TRHDE: variants seen among roughly 807,000 people sequenced by gnomAD.
TRHDE encodes thyrotropin releasing hormone degrading enzyme.
TRHDE carries 72 observed loss-of-function variants against 125.7 expected under a neutral mutation model. That is an observed-to-expected ratio of 0.57 (90% CI 0.47 to 0.70). The LOEUF is 0.70. TRHDE is among the 30% of genes least tolerant of loss of function. The pLI is 0.00. For synonymous variants in TRHDE, 509 were observed against 509.1 expected (o/e 1.00, Z 0.00); for missense variants, 1,110 against 1,327.1 (o/e 0.84, Z 2.54).
chr12:72,243,981 A>G (rs1160179407), intron 2 of TRHDE, among the ~76,000 whole-genome samples: 5 of 152,144 alleles, frequency 3.3e-5, no homozygotes, highest in Admixed American at 2.0e-4. Context: ...TGTGTAGGGT[A>G]TGTATAACAT....
chr12:72,422,570 GA>G (rs1874004677), intron 3 of TRHDE, among the ~76,000 whole-genome samples: 1 of 152,124 alleles, frequency 6.6e-6, no homozygotes, highest in Admixed American at 6.6e-5. Context: ...TATCTTTAAA[GA>G]ATACAGAATG....
At chr12:72,251,336 A>G (rs1878679720) in intron 2 of TRHDE, among the ~76,000 whole-genome samples, 1 of 151,780 alleles carries the variant, frequency 6.6e-6, no homozygotes, top group South Asian at 2.1e-4. Flanking sequence ...GGAAACCACT[A>G]ATCATTTTCC....
intron 3 of TRHDE, among the ~76,000 whole-genome samples, chr12:72,466,378 T>C (rs1301302740): frequency 1.3e-5 from 2 of 152,200 alleles, no homozygotes; most frequent in African/African-American, 2.4e-5. Flanking sequence ...CTACAGCTTA[T>C]GGAATTGCCT....
chr12:72,193,164 A>T (rs894522282), intron 2 of TRHDE, among the ~76,000 whole-genome samples: 4 of 152,082 alleles, frequency 2.6e-5, no homozygotes, highest in African/African-American at 9.7e-5. Flanking sequence ...AAGAAAAAAA[A>T]GTTTGTCTTT....
intron 13 of TRHDE, among the ~76,000 whole-genome samples, chr12:72,619,322 G>A (rs551829075): frequency 6.6e-6 from 1 of 152,264 alleles, no homozygotes; most frequent in Admixed American, 6.5e-5. Context: ...CTTTCCAAGA[G>A]TTAGAGGGCT....
chr12:72,623,080 T>C (rs1301063785), intron 15 of TRHDE, among the ~76,000 whole-genome samples: 2 of 151,966 alleles, frequency 1.3e-5, no homozygotes. Flanking sequence ...TATACAAACT[T>C]TTTTGCTATT....
chr12:72,495,088 A>ATTTTTTTTTTTTTTTTTT (rs1592489164), intron 5 of TRHDE, among the ~76,000 whole-genome samples: 2 of 38,692 alleles, frequency 5.2e-5, no homozygotes, highest in Non-Finnish European at 5.5e-5. Flanking sequence ...TTTTTTTTTA[A>ATTTTTTTTTTTTTTTTTT]GTTTCATCAT....
At chr12:72,181,713 T>G (rs1332291977) in intron 2 of TRHDE, among the ~76,000 whole-genome samples, 5 of 152,136 alleles carry the variant, frequency 3.3e-5, no homozygotes, top group Non-Finnish European at 7.4e-5. Context: ...CATTCTGTCT[T>G]TGAAGTCTTC....
chr12:72,225,832 G>A (rs1303332863), intron 2 of TRHDE, among the ~76,000 whole-genome samples: 1 of 152,150 alleles, frequency 6.6e-6, no homozygotes, highest in Non-Finnish European at 1.5e-5. Context: ...TTTTCCCAGG[G>A]GTTGGAGAAA....
chr12:72,254,093 A>G (rs776518910), intron 2 of TRHDE: 14 of 152,118 alleles, frequency 9.2e-5, no homozygotes, highest in Non-Finnish European at 1.2e-4. Flanking sequence ...CTAATGAGAA[A>G]CAAAACCACT....
At chr12:72,578,746 C>T (rs1030708457) in intron 12 of TRHDE, among the ~76,000 whole-genome samples, 18 of 152,042 alleles carry the variant, frequency 1.2e-4, no homozygotes, top group Admixed American at 8.5e-4. Flanking sequence ...AACTTTATGC[C>T]ACGACTTGTT....
chr12:72,373,839 G>A (rs947547196), intron 2 of TRHDE, among the ~76,000 whole-genome samples: 2 of 152,174 alleles, frequency 1.3e-5, no homozygotes, highest in African/African-American at 4.8e-5. Context: ...ACTAGGATAT[G>A]AATCCAGAGA....
intron 6 of TRHDE, among the ~76,000 whole-genome samples, chr12:72,512,431 T>A (rs887577564): frequency 9.4e-6 from 1 of 106,090 alleles, no homozygotes; most frequent in Non-Finnish European, 1.7e-5. Flanking sequence ...ATATATATTA[T>A]ATAATATGTT....
intron 2 of TRHDE, among the ~76,000 whole-genome samples, chr12:72,327,807 T>A (rs1395663201): frequency 1.3e-5 from 2 of 151,602 alleles, no homozygotes; most frequent in African/African-American, 4.8e-5. Context: ...TGATTACATA[T>A]CAGACTGTAA....
chr12:72,412,081 T>C (rs1225129041), intron 3 of TRHDE, among the ~76,000 whole-genome samples: 3 of 152,078 alleles, frequency 2.0e-5, no homozygotes, highest in African/African-American at 7.2e-5. Context: ...ATACAAGATA[T>C]AAAACCCAGT....
chr12:72,325,543 A>G (rs1869300840), intron 2 of TRHDE, among the ~76,000 whole-genome samples: 1 of 152,200 alleles, frequency 6.6e-6, no homozygotes, highest in African/African-American at 2.4e-5. Flanking sequence ...CAACAAAATA[A>G]GGGATTATTT....
rs1025938578 is a variant in TRHDE at position 72,630,790 on chromosome 12, T to C, written c.2675+9039T>C. Among the ~76,000 whole-genome samples, 5 of 151,216 alleles carry C rather than the reference T, an allele frequency of 3.3e-5. No individual in the cohort carries two copies. The East Asian group carries it at 9.7e-4, about 29-fold the overall frequency. ...AAGATAAAATTATAATCATCAGCCA[T>C]TATAATATTATTTTTAACTGTATAG... is the stretch of plus-strand genomic sequence containing the variant. On this transcript the variant is annotated intron_variant, in intron 15 of 18. Transcript: ENST00000261180.
chr12:72,132,774 C>G (rs1592452882), intron 2 of TRHDE, among the ~76,000 whole-genome samples: 1 of 152,118 alleles, frequency 6.6e-6, no homozygotes, highest in East Asian at 1.9e-4. Flanking sequence ...GACATGAACA[C>G]AGAGAATTAT....
chr12:72,524,625 A>G (rs1868301922), intron 6 of TRHDE, among the ~76,000 whole-genome samples: 1 of 152,162 alleles, frequency 6.6e-6, no homozygotes, highest in Admixed American at 6.5e-5. Context: ...GCATGGCTTT[A>G]TTCAATATTG....
Sources: gnomAD v4.1 joint callset for allele counts (sites outside exome capture counted in the v4.1 genomes callset) on GRCh38, gnomAD v4.1.1 for gene constraint, MANE v1.5 for transcripts, NCBI Gene and HGNC (gene_info 2026-07-23, HGNC 2026-07-21) for gene names.